GLYATL1: variants seen among roughly 807,000 people sequenced by gnomAD.
The protein encoded by GLYATL1 is glycine N-acyltransferase-like protein 1.
A neutral mutation model predicts 20.0 loss-of-function variants in GLYATL1; 15 were observed. That is an observed-to-expected ratio of 0.75 (90% CI 0.50 to 1.15). The LOEUF is 1.15. Ranked by LOEUF, GLYATL1 falls within the 50% of genes most tolerant of loss-of-function variation. GLYATL1 has a pLI of 0.00. For missense variants in GLYATL1, 380 were observed against 368.5 expected, an observed-to-expected ratio of 1.03 and a Z score of -0.26; for synonymous variants, 151 against 131.5, an observed-to-expected ratio of 1.15 and a Z score of -1.01.
exon 2 of GLYATL1, chr11:58,907,247 C>G (rs1477618593): frequency 8.8e-6 from 4 of 456,258 alleles, no homozygotes; most frequent in Non-Finnish European, 1.8e-5. Context: ...GCAGGTCACC[C>G]GCCAGGTTTG....
chr11:58,909,836 T>C (rs940081263), downstream of GLYATL1, among the ~76,000 whole-genome samples: 3 of 152,202 alleles, frequency 2.0e-5, no homozygotes, highest in Non-Finnish European at 4.4e-5. Flanking sequence ...TTTGTTCACA[T>C]GAGTGGATAT....
intron 2 of GLYATL1, among the ~76,000 whole-genome samples, chr11:58,945,973 A>G (rs758601841): frequency 6.6e-6 from 1 of 152,236 alleles, no homozygotes; most frequent in Non-Finnish European, 1.5e-5. Flanking sequence ...TACTTAACAC[A>G]TATTTGTTAA....
In GLYATL1 at chr11:58,955,314, G is replaced by C; in HGVS notation, c.452G>C (p.Ser151Thr). The C allele has an allele frequency of 6.2e-7, 1 of 1,614,176 alleles. No homozygotes were observed. The highest frequency in any genetic ancestry group is 8.5e-7 in the Non-Finnish European group (1 of 1,180,000). ...LNASSKSKLG[S>T]WAETGHPDDE... is the part of the protein sequence containing the mutation. Reference sequence around the variant, plus strand: ...GCCTCCAGTAAAAGCAAGCTTGGAAGCTGGGCTGAGACAGGCCACCCAGAT... The same window carrying C: ...GCCTCCAGTAAAAGCAAGCTTGGAACCTGGGCTGAGACAGGCCACCCAGAT... The change falls in exon 6 of 7, where the codon AGC (serine) becomes ACC (threonine). Residue 151 changes from serine to threonine, a missense_variant. Coordinates refer to ENST00000532726, the MANE Select transcript of GLYATL1 (RefSeq NM_001389712.2).
intron 4 of GLYATL1, among the ~76,000 whole-genome samples, chr11:58,953,402 T>TG (rs1412497006): frequency 6.6e-6 from 1 of 151,202 alleles, no homozygotes; most frequent in Non-Finnish European, 1.5e-5. Context: ...TTTTTTTTTT[T>TG]TTTTGCTTTT....
At chr11:58,943,321 A>C in intron 1 of GLYATL1, 6 of 1,550,858 alleles carry the variant, frequency 3.9e-6, no homozygotes, top group Non-Finnish European at 5.2e-6. Flanking sequence ...TGTTCAAATA[A>C]GGCAAGCGCC....
chr11:58,937,348 C>A (rs1171633619), upstream of GLYATL1, among the ~76,000 whole-genome samples: 1 of 152,200 alleles, frequency 6.6e-6, no homozygotes. Flanking sequence ...ATAGAGCAAG[C>A]ATTGCTGGGG....
chr11:58,943,327 G>A, intron 1 of GLYATL1: 1 of 1,550,750 alleles, frequency 6.4e-7, no homozygotes, highest in Non-Finnish European at 8.7e-7. Flanking sequence ...AATAAGGCAA[G>A]CGCCCAGTTG....
intron 1 of GLYATL1, among the ~76,000 whole-genome samples, chr11:58,930,816 C>T (rs1361941435): frequency 6.6e-6 from 1 of 152,056 alleles, no homozygotes; most frequent in East Asian, 1.9e-4. Flanking sequence ...ACCATTGGAA[C>T]AGAACAGAGA....
chr11:58,946,033 T>C (rs1344949989), intron 2 of GLYATL1, among the ~76,000 whole-genome samples: 1 of 152,244 alleles, frequency 6.6e-6, no homozygotes, highest in African/African-American at 2.4e-5. Flanking sequence ...GTTAACTGAT[T>C]TGCAAATGAT....
intron 1 of GLYATL1, among the ~76,000 whole-genome samples, chr11:58,930,391 A>G (rs1346780605): frequency 1.3e-5 from 2 of 152,228 alleles, no homozygotes; most frequent in African/African-American, 4.8e-5. Flanking sequence ...GCAGTGTGAT[A>G]AGAAAAATTA....
intron 1 of GLYATL1, chr11:58,928,425 C>G (rs2135127059): frequency 6.6e-6 from 1 of 152,316 alleles, no homozygotes; most frequent in Non-Finnish European, 1.5e-5. Context: ...GCGGTCCTTA[C>G]ACTTCCTTCA....
Position 58,947,055 on chromosome 11 carries a change from T to TTCAAGGTC in GLYATL1, c.-23_-16dup. The stretch of plus-strand genomic sequence containing the variant: ...TTTCTTATCTTTTCAGAGTTTCTTC[T>TTCAAGGTC]TCAAGGTCTCAAGGTCTGAAGCATC... On this transcript the variant is annotated 5_prime_UTR_variant, in exon 3 of 7. The change abolishes the stop of an existing upstream ORF in the 5' untranslated region. Transcript: ENST00000532726. 2 of 1,612,474 alleles carry TTCAAGGTC rather than the reference T, an allele frequency of 1.2e-6. No individual in the cohort carries two copies. Among genetic ancestry groups the TTCAAGGTC allele is most frequent in the Non-Finnish European group, 1.7e-6 (2 of 1,178,458 alleles).
chr11:58,906,051 C>T (rs1386796819), intron 1 of GLYATL1, among the ~76,000 whole-genome samples: 2 of 152,214 alleles, frequency 1.3e-5, no homozygotes, highest in South Asian at 4.1e-4. Context: ...TTCCCAACAC[C>T]TGCGAATCGG....
At chr11:58,925,449 C>T (rs181042529), upstream of GLYATL1, among the ~76,000 whole-genome samples, 98 of 152,288 alleles carry the variant, frequency 6.4e-4, no homozygotes, top group Middle Eastern at 3.4e-3. Context: ...ATCTTCCTTA[C>T]TAAGGGTGCA....
chr11:58,940,256 T>G (rs541279957), intron 1 of GLYATL1, among the ~76,000 whole-genome samples: 1 of 152,344 alleles, frequency 6.6e-6, no homozygotes, highest in African/African-American at 2.4e-5. Context: ...CTTTGGACTT[T>G]AAAAATTAAA....
At chr11:58,912,596 A>G (rs1855072672), downstream of GLYATL1, among the ~76,000 whole-genome samples, 1 of 152,214 alleles carries the variant, frequency 6.6e-6, no homozygotes, top group Non-Finnish European at 1.5e-5. Flanking sequence ...GGTCAAGATA[A>G]TAAGTTATTG....
chr11:58,913,321 T>C (rs1474369730), downstream of GLYATL1, among the ~76,000 whole-genome samples: 1 of 151,612 alleles, frequency 6.6e-6, no homozygotes, highest in East Asian at 1.9e-4. Context: ...ATGGAGTGGA[T>C]GAGAGGTGTG....
At position 58,955,949 on chromosome 11, in the gene GLYATL1, G is replaced by A. The variant is rs752527989; in HGVS notation, c.831G>A (p.Val277=). ...AAAATGAAGACTCCCGCAGATTTGT[G>A]GGGCAGTTTGGTTTCTTTGAGGCCT... is the stretch of plus-strand genomic sequence containing the variant. ...LEENEDSRRF[V]GQFGFFEASC... The change falls in exon 7 of 7, where the codon GTG becomes GTA. Residue 277 remains valine (V), a synonymous_variant. Coordinates refer to ENST00000532726, the MANE Select transcript of GLYATL1 (RefSeq NM_001389712.2). 9.4e-5 allele frequency: 152 copies of A among 1,614,186 alleles called. 3 individuals are homozygous for A. The South Asian group carries it at 1.3e-3, about 13-fold the overall frequency.
chr11:58,950,673 T>G (rs1565133758), intron 4 of GLYATL1, among the ~76,000 whole-genome samples: 1 of 152,210 alleles, frequency 6.6e-6, no homozygotes, highest in Non-Finnish European at 1.5e-5. Context: ...CACAATTTTA[T>G]TTTTATTAGC....
Sources: allele counts gnomAD v4.1 joint callset (sites outside exome capture counted in the v4.1 genomes callset), GRCh38; gene constraint gnomAD v4.1.1; transcripts MANE v1.5; gene names NCBI Gene and HGNC (gene_info 2026-07-23, HGNC 2026-07-21).